Variants in GATAD2B observed in about 807,000 individuals in gnomAD.
GATAD2B encodes transcriptional repressor p66-beta.
GATAD2B carries 8 observed loss-of-function variants against 64.3 expected under a neutral mutation model. The ratio of observed to expected loss-of-function variants is 0.12; its 90% CI spans 0.07 to 0.22. GATAD2B has a LOEUF of 0.22. GATAD2B is among the 10% of genes least tolerant of loss of function. The probability of loss-of-function intolerance (pLI) is 1.00; values close to 1 mark genes in which losing one functional copy is unlikely to be tolerated. For synonymous variants in GATAD2B, 281 were observed against 271.3 expected, an observed-to-expected ratio of 1.04 and a Z score of -0.35; for missense variants, 453 against 752.0, an observed-to-expected ratio of 0.60 and a Z score of 4.65.
rs529899927 is a variant in GATAD2B, at chr1:153,813,288, G to A, written c.1381C>T (p.Leu461=). ...KALKAEHTNR[L]KNAFVKALQQ... Reference sequence around the variant, plus strand: ...AGGGCTTTCACAAATGCATTTTTCAGCCGGTTGGTGTGTTCAGCTTTTAGA... The same window carrying A: ...AGGGCTTTCACAAATGCATTTTTCAACCGGTTGGTGTGTTCAGCTTTTAGA... The change falls in exon 8 of 11, where the codon CTG becomes TTG. Residue 461 remains leucine, a synonymous_variant. Transcript: ENST00000368655. The A allele has an allele frequency of 1.2e-6, 2 of 1,614,104 alleles. No individual in the cohort carries two copies. Among genetic ancestry groups the A allele is most frequent in the East Asian group, 2.2e-5 (1 of 44,890 alleles).
chr1:153,832,491 G>A (rs1675113739), intron 1 of GATAD2B, among the ~76,000 whole-genome samples: 1 of 152,142 alleles, frequency 6.6e-6, no homozygotes, highest in African/African-American at 2.4e-5. Flanking sequence ...GCAGAGGCTG[G>A]TTCATGAGGT....
At chr1:153,818,696 A>G (rs1674571085) in intron 4 of GATAD2B, 95 bp downstream of exon 4, 2 of 1,097,804 alleles carry the variant, frequency 1.8e-6, no homozygotes, top group Non-Finnish European at 2.6e-6. Context: ...CCCAGAGAAG[A>G]AATGAGCCAC....
intron 1 of GATAD2B, among the ~76,000 whole-genome samples, chr1:153,849,437 T>C (rs1353509179): frequency 6.6e-6 from 1 of 152,200 alleles, no homozygotes; most frequent in Admixed American, 6.5e-5. Flanking sequence ...ATTCACAAGA[T>C]AGCAGATATC....
At chr1:153,837,484 G>C (rs763766375) in intron 1 of GATAD2B, among the ~76,000 whole-genome samples, 1 of 152,046 alleles carries the variant, frequency 6.6e-6, no homozygotes, top group South Asian at 2.1e-4. Flanking sequence ...AAAAAGTTCT[G>C]CAAGTAGATA....
In GATAD2B at chr1:153,817,522, T is replaced by C. The variant is rs1347129545; in HGVS notation, c.750A>G (p.Ser250=). ...TGTGTGGAAGGGTGGTATTGGTAGC[T>C]GAACGGATGACACTGTGACCCTGGA... ...RTLQGHSVIR[S]ATNTTLPHML... The change falls in exon 6 of 11, where the codon TCA becomes TCG. Residue 250 remains serine, a synonymous_variant. Coordinates refer to ENST00000368655, the MANE Select transcript of GATAD2B (RefSeq NM_020699.4). 2 of 1,603,126 alleles carry C rather than the reference T, an allele frequency of 1.2e-6. No homozygotes were observed. Among genetic ancestry groups the C allele is most frequent in the Admixed American group, 1.7e-5 (1 of 57,452 alleles).
chr1:153,823,645 C>A (rs183704527), intron 2 of GATAD2B, among the ~76,000 whole-genome samples: 3 of 152,186 alleles, frequency 2.0e-5, no homozygotes, highest in African/African-American at 7.2e-5. Flanking sequence ...CCACTGCACC[C>A]AGCCCTTTCC....
At chr1:153,893,618 A>T (rs1198172218) in intron 1 of GATAD2B, among the ~76,000 whole-genome samples, 4 of 151,638 alleles carry the variant, frequency 2.6e-5, no homozygotes, top group African/African-American at 9.7e-5. Context: ...TCAAAAAAAA[A>T]AATAAAATAA....
At chr1:153,850,749 C>T (rs568975194) in intron 1 of GATAD2B, among the ~76,000 whole-genome samples, 6 of 152,054 alleles carry the variant, frequency 3.9e-5, no homozygotes, top group East Asian at 3.9e-4. Flanking sequence ...AGTGAAACTT[C>T]GTCTCTACTA....
chr1:153,900,342 C>T (rs1206251288), intron 1 of GATAD2B, among the ~76,000 whole-genome samples: 14 of 151,902 alleles, frequency 9.2e-5, no homozygotes, highest in African/African-American at 3.1e-4. Flanking sequence ...ATCACTTGAA[C>T]CAGGGAGGCG....
At chr1:153,870,499 GGAGGCAGAGCTTGCAGTGAGCAGA>G (rs1393021636) in intron 1 of GATAD2B, among the ~76,000 whole-genome samples, 3 of 152,110 alleles carry the variant, frequency 2.0e-5, no homozygotes, top group Admixed American at 1.3e-4. Context: ...CGTGAACCCA[GGAGGCAGAGCTTGCAGTGAGCAGA>G]GATCGCGTCA....
At chr1:153,889,833 TAAAA>T (rs1270515468) in intron 1 of GATAD2B, 1 of 152,744 alleles carries the variant, frequency 6.5e-6, no homozygotes, top group Non-Finnish European at 1.5e-5. Flanking sequence ...GAATACAAAA[TAAAA>T]AAAGTCACAG....
At position 153,830,482 on chromosome 1, in the gene GATAD2B, A is replaced by ATTTTT. The variant is rs759668284; in HGVS notation, c.-1-2139_-1-2135dup. Among the ~76,000 whole-genome samples the ATTTTT allele has an allele frequency of 1.4e-3, 181 of 132,558 alleles. 8 individuals are homozygous for ATTTTT. The highest frequency in any genetic ancestry group is 3.9e-3 in the Middle Eastern group (1 of 256). The allele number at this position is 132,558 out of a possible 152,430, so 87.0% of individuals were successfully genotyped here. On this transcript the variant is annotated intron_variant, in intron 1 of 10. Coordinates refer to ENST00000368655, the MANE Select transcript of GATAD2B (RefSeq NM_020699.4). Reference sequence around the variant, plus strand: ...TTATTTTATTTTATTTTATTTATTTATTTTTTTTTTTGAGACAGAGTCTCG... The same window carrying ATTTTT: ...TTATTTTATTTTATTTTATTTATTTATTTTTTTTTTTTTTTTGAGACAGAGTCTCG...
chr1:153,918,707 C>T (rs1306504985), intron 1 of GATAD2B, among the ~76,000 whole-genome samples: 1 of 152,142 alleles, frequency 6.6e-6, no homozygotes, highest in African/African-American at 2.4e-5. Flanking sequence ...AATCCCAGCA[C>T]TTTGGGAGGC....
chr1:153,882,000 CAG>C (rs987094678), intron 1 of GATAD2B, among the ~76,000 whole-genome samples: 3 of 152,078 alleles, frequency 2.0e-5, no homozygotes, highest in South Asian at 2.1e-4. Context: ...ACAAAAGAAA[CAG>C]GGGGATGCTT....
intron 1 of GATAD2B, among the ~76,000 whole-genome samples, chr1:153,910,972 T>C (rs1678093683): frequency 1.3e-5 from 2 of 152,112 alleles, no homozygotes; most frequent in African/African-American, 4.8e-5. Flanking sequence ...CATCTGTATA[T>C]AGTACAATAA....
rs56236211 is a variant in GATAD2B, at chr1:153,915,741, T to TAAAAA, written c.-2+6987_-2+6991dup. Among the ~76,000 whole-genome samples, 165 of 97,242 alleles carry TAAAAA rather than the reference T, an allele frequency of 1.7e-3. 1 individual carries two copies. Among genetic ancestry groups the TAAAAA allele is most frequent in the Middle Eastern group, 5.2e-3 (1 of 194 alleles). The allele number at this position is 97,242 out of a possible 152,430, so 63.8% of individuals were successfully genotyped here. On this transcript the variant is annotated intron_variant, in intron 1 of 10. Coordinates refer to ENST00000368655, the MANE Select transcript of GATAD2B (RefSeq NM_020699.4). ...GCAACAGAGCCAGAACTTGTCTATATAAAAAAAAAAAAAAAAAAAAGAAAA... is the reference window on the plus strand; with the variant it reads ...GCAACAGAGCCAGAACTTGTCTATATAAAAAAAAAAAAAAAAAAAAAAAAAGAAAA...
intron 1 of GATAD2B, among the ~76,000 whole-genome samples, chr1:153,861,291 C>G (rs1676270828): frequency 6.6e-6 from 1 of 151,978 alleles, no homozygotes; most frequent in Non-Finnish European, 1.5e-5. Context: ...GTGGCTCATG[C>G]CTGTAACCCT....
chr1:153,820,690 C>T (rs532348476), intron 2 of GATAD2B, among the ~76,000 whole-genome samples: 2 of 150,906 alleles, frequency 1.3e-5, no homozygotes, highest in East Asian at 2.0e-4. Context: ...AGTCCAGTGG[C>T]CCGATCACAG....
intron 1 of GATAD2B, among the ~76,000 whole-genome samples, chr1:153,870,707 G>A (rs1489035902): frequency 6.6e-6 from 1 of 152,110 alleles, no homozygotes; most frequent in African/African-American, 2.4e-5. Flanking sequence ...TATGTTTAAG[G>A]TATATATGAA....
Sources: gnomAD v4.1 joint callset for allele counts (sites outside exome capture counted in the v4.1 genomes callset) on GRCh38, gnomAD v4.1.1 for gene constraint, MANE v1.5 for transcripts, NCBI Gene and HGNC (gene_info 2026-07-23, HGNC 2026-07-21) for gene names.